The following SAMMSON variants were observed in gnomAD, a reference collection of about 807,000 sequenced individuals.
SAMMSON encodes the protein survival associated mitochondrial melanoma specific oncogenic non-coding RNA.
intron 6 of SAMMSON, among the ~76,000 whole-genome samples, chr3:70,282,797 T>C (rs1191483598): frequency 6.6e-6 from 1 of 152,162 alleles, no homozygotes; most frequent in Non-Finnish European, 1.5e-5. Context: ...AATACAAATA[T>C]CTATGACTGT....
chr3:70,066,367 G>A (rs1181195504), intron 3 of SAMMSON, among the ~76,000 whole-genome samples: 3 of 151,914 alleles, frequency 2.0e-5, no homozygotes, highest in Non-Finnish European at 4.4e-5. Flanking sequence ...TTTTTCAAGG[G>A]TCTGTACCAC....
chr3:70,170,376 A>G (rs567763183), intron 4 of SAMMSON, among the ~76,000 whole-genome samples: 2 of 151,980 alleles, frequency 1.3e-5, no homozygotes, highest in South Asian at 2.1e-4. Flanking sequence ...GATATAATAT[A>G]GAGGTTCCTG....
chr3:70,026,620 A>C (rs182126393), intron 3 of SAMMSON, among the ~76,000 whole-genome samples: 127 of 152,320 alleles, frequency 8.3e-4, no homozygotes, highest in African/African-American at 2.9e-3. Flanking sequence ...AATTGTTAAG[A>C]TCACATAATA....
At chr3:70,268,029 T>TCTC (rs201481273) in intron 6 of SAMMSON, among the ~76,000 whole-genome samples, 89 of 149,444 alleles carry the variant, frequency 6.0e-4, no homozygotes, top group African/African-American at 1.4e-3. Flanking sequence ...TCTTCCTCTT[T>TCTC]CTCCTCCTCC....
intron 4 of SAMMSON, among the ~76,000 whole-genome samples, chr3:70,201,356 G>C (rs573326443): frequency 1.3e-5 from 2 of 152,140 alleles, no homozygotes; most frequent in Non-Finnish European, 2.9e-5. Context: ...CTCCATCCAA[G>C]TTCCTGCAAA....
chr3:70,400,963 ATACAAAAG>A (rs1483769467), intron 2 of SAMMSON, among the ~76,000 whole-genome samples: 1 of 152,128 alleles, frequency 6.6e-6, no homozygotes, highest in Non-Finnish European at 1.5e-5. Flanking sequence ...GAAAGAAAGA[ATACAAAAG>A]TAGAGGTGGT....
At chr3:70,003,488 T>G (rs919365145) in intron 1 of SAMMSON, among the ~76,000 whole-genome samples, 4 of 151,868 alleles carry the variant, frequency 2.6e-5, no homozygotes. Context: ...ACTTATATTA[T>G]TTTGGTATTT....
intron 7 of SAMMSON, among the ~76,000 whole-genome samples, chr3:70,301,744 A>G (rs770760297): frequency 5.3e-5 from 8 of 152,092 alleles, no homozygotes; most frequent in Non-Finnish European, 1.2e-4. Flanking sequence ...AAGAAGATTT[A>G]TTTATATAAA....
chr3:70,384,579 T>C (rs1193775872), intron 9 of SAMMSON, among the ~76,000 whole-genome samples: 3 of 152,034 alleles, frequency 2.0e-5, no homozygotes, highest in Non-Finnish European at 1.5e-5. Flanking sequence ...CAAATTATTG[T>C]AAATCCATTT....
intron 7 of SAMMSON, among the ~76,000 whole-genome samples, chr3:70,339,798 C>T (rs530897444): frequency 5.4e-4 from 82 of 152,100 alleles, no homozygotes; most frequent in Admixed American, 8.5e-4. Context: ...ACTTTTACAC[C>T]ATTGGTGGGA....
At chr3:70,338,036 A>G (rs1702680115) in intron 7 of SAMMSON, among the ~76,000 whole-genome samples, 1 of 151,554 alleles carries the variant, frequency 6.6e-6, no homozygotes, top group Non-Finnish European at 1.5e-5. Flanking sequence ...TTTATTATTT[A>G]TTGACCAAAA....
At chr3:70,240,041 T>A (rs1252302680) in intron 4 of SAMMSON, among the ~76,000 whole-genome samples, 3 of 152,098 alleles carry the variant, frequency 2.0e-5, no homozygotes, top group Non-Finnish European at 4.4e-5. Flanking sequence ...AATGATAGTT[T>A]TGAGTGCTTC....
At chr3:70,392,525 G>C (rs534060088), downstream of SAMMSON, among the ~76,000 whole-genome samples, 2 of 152,182 alleles carry the variant, frequency 1.3e-5, no homozygotes, top group South Asian at 4.1e-4. Flanking sequence ...GCTCACCCTA[G>C]GCAAGGCCTG....
intron 9 of SAMMSON, among the ~76,000 whole-genome samples, chr3:70,376,012 G>A (rs1198993597): frequency 6.6e-6 from 1 of 152,050 alleles, no homozygotes; most frequent in East Asian, 1.9e-4. Context: ...ATTTCTAAGA[G>A]GAGGTGAAAA....
intron 9 of SAMMSON, among the ~76,000 whole-genome samples, chr3:70,388,645 G>A (rs1223245513): frequency 1.3e-5 from 2 of 152,130 alleles, no homozygotes; most frequent in African/African-American, 4.8e-5. Flanking sequence ...GATGGCTGTG[G>A]AATTATGGGA....
chr3:70,026,460 C>T (rs2067037365), intron 3 of SAMMSON, among the ~76,000 whole-genome samples: 1 of 152,008 alleles, frequency 6.6e-6, no homozygotes, highest in South Asian at 2.1e-4. Context: ...AGATTTCCTG[C>T]TGGTTAGTAA....
chr3:70,117,708 A>G (rs1222758890), intron 4 of SAMMSON, among the ~76,000 whole-genome samples: 4 of 152,156 alleles, frequency 2.6e-5, no homozygotes, highest in African/African-American at 4.8e-5. Context: ...GGCCACCAAT[A>G]TCTTACCCAG....
chr3:70,226,563 T>C (rs1263753639), intron 4 of SAMMSON, among the ~76,000 whole-genome samples: 3 of 151,208 alleles, frequency 2.0e-5, no homozygotes, highest in Non-Finnish European at 4.4e-5. Context: ...CATGGTGAAA[T>C]CCTGTCTCTA....
At chr3:70,192,176 C>T (rs1701135747) in intron 4 of SAMMSON, among the ~76,000 whole-genome samples, 1 of 152,102 alleles carries the variant, frequency 6.6e-6, no homozygotes, top group Admixed American at 6.5e-5. Context: ...CCCAAAGTGC[C>T]CTAACAGCGA....
Sources: gnomAD v4.1 joint callset for allele counts (sites outside exome capture counted in the v4.1 genomes callset) on GRCh38, gnomAD v4.1.1 for gene constraint, MANE v1.5 for transcripts, NCBI Gene and HGNC (gene_info 2026-07-23, HGNC 2026-07-21) for gene names.